RBFOX1: variants seen among roughly 807,000 people sequenced by gnomAD.
The protein encoded by RBFOX1 is RNA binding protein fox-1 homolog 1.
Under a neutral mutation model 57.7 loss-of-function variants are expected in RBFOX1, and 8 were observed. The ratio of observed to expected loss-of-function variants is 0.14; its 90% CI spans 0.08 to 0.25. The LOEUF (loss-of-function observed/expected upper bound fraction) is 0.25. RBFOX1 is among the 10% of genes least tolerant of loss of function. The probability of loss-of-function intolerance (pLI) is 1.00; values close to 1 mark genes in which losing one functional copy is unlikely to be tolerated. For synonymous variants in RBFOX1, 326 were observed against 222.4 expected (o/e 1.47, Z -4.15); for missense variants, 611 against 548.5 (o/e 1.11, Z -1.14).
At chr16:5,964,596 T>C (rs72770963) in intron 4 of RBFOX1, among the ~76,000 whole-genome samples, 33,294 of 151,844 alleles carry the variant, frequency 0.22, 4,317 homozygotes, top group Middle Eastern at 0.47. Context: ...TATGCATCTA[T>C]ATCTATGTAT....
chr16:7,499,914 T>A (rs2070116347), intron 4 of RBFOX1, among the ~76,000 whole-genome samples: 1 of 152,152 alleles, frequency 6.6e-6, no homozygotes, highest in Non-Finnish European at 1.5e-5. Context: ...AAAACATTGT[T>A]CACTGCTGTG....
At chr16:7,157,566 C>A (rs1385557823) in intron 4 of RBFOX1, among the ~76,000 whole-genome samples, 1 of 152,048 alleles carries the variant, frequency 6.6e-6, no homozygotes, top group Non-Finnish European at 1.5e-5. Context: ...AGCTTAAGTC[C>A]AGGCACGTGA....
intron 10 of RBFOX1, among the ~76,000 whole-genome samples, chr16:7,617,274 A>G (rs73490615): frequency 1.5e-3 from 234 of 152,342 alleles, no homozygotes; most frequent in African/African-American, 5.0e-3. Flanking sequence ...AAAAGTAGCC[A>G]TAGACAATGT....
intron 3 of RBFOX1, among the ~76,000 whole-genome samples, chr16:6,931,236 GGTT>G (rs1422419713): frequency 4.0e-5 from 6 of 151,348 alleles, no homozygotes; most frequent in South Asian, 2.1e-4. Flanking sequence ...GGAATTAAGG[GGTT>G]GTTTGCTCTT....
chr16:5,712,661 G>T (rs2051536849), intron 3 of RBFOX1, among the ~76,000 whole-genome samples: 1 of 152,208 alleles, frequency 6.6e-6, no homozygotes, highest in Admixed American at 6.5e-5. Flanking sequence ...CAGAGAAGTT[G>T]CCTGTGGTCA....
At chr16:6,970,885 G>A (rs1031243399) in intron 3 of RBFOX1, among the ~76,000 whole-genome samples, 12 of 152,196 alleles carry the variant, frequency 7.9e-5, no homozygotes, top group Non-Finnish European at 1.5e-4. Flanking sequence ...GACAACTGCA[G>A]TAAGGCTCAA....
chr16:6,901,914 G>A (rs554801236), intron 3 of RBFOX1, among the ~76,000 whole-genome samples: 1 of 152,138 alleles, frequency 6.6e-6, no homozygotes. Flanking sequence ...TTGCCATCTG[G>A]CTTTTAAGCA....
intron 4 of RBFOX1, among the ~76,000 whole-genome samples, chr16:7,474,474 A>T (rs949921679): frequency 6.6e-5 from 10 of 152,194 alleles, no homozygotes; most frequent in African/African-American, 2.4e-4. Context: ...GGTGAATTTA[A>T]TGAGACTTGG....
chr16:7,486,196 C>T (rs1461918285), intron 4 of RBFOX1, among the ~76,000 whole-genome samples: 4 of 139,964 alleles, frequency 2.9e-5, no homozygotes, highest in Admixed American at 7.8e-5. Context: ...GATCTCAGCT[C>T]GCTGCAACCT....
chr16:6,923,713 C>T (rs1221777382), intron 3 of RBFOX1, among the ~76,000 whole-genome samples: 1 of 152,006 alleles, frequency 6.6e-6, no homozygotes. Context: ...GCCTTTAAAG[C>T]AGTAGAAGGC....
intron 2 of RBFOX1, among the ~76,000 whole-genome samples, chr16:5,484,446 G>C (rs952464707): frequency 2.0e-5 from 3 of 152,174 alleles, no homozygotes; most frequent in Non-Finnish European, 4.4e-5. Flanking sequence ...CCTAATCTTG[G>C]AAGTGACACC....
At chr16:5,559,530 C>G (rs1268467970) in intron 2 of RBFOX1, among the ~76,000 whole-genome samples, 1 of 152,176 alleles carries the variant, frequency 6.6e-6, no homozygotes, top group Non-Finnish European at 1.5e-5. Context: ...CAGGATCGGG[C>G]CTTGGCCACA....
At chr16:6,324,457 GA>G (rs1207891798) in intron 2 of RBFOX1, among the ~76,000 whole-genome samples, 10 of 152,264 alleles carry the variant, frequency 6.6e-5, no homozygotes, top group African/African-American at 2.4e-4. Context: ...GAGGCCTCAG[GA>G]AACTTACAGT....
intron 3 of RBFOX1, among the ~76,000 whole-genome samples, chr16:5,765,089 C>A (rs1365435522): frequency 6.6e-6 from 1 of 152,122 alleles, no homozygotes; most frequent in African/African-American, 2.4e-5. Context: ...CACAGGCAAG[C>A]ATGTTTGCAT....
chr16:5,741,644 A>G (rs557719365), intron 3 of RBFOX1, among the ~76,000 whole-genome samples: 1 of 152,356 alleles, frequency 6.6e-6, no homozygotes, highest in East Asian at 1.9e-4. Context: ...ATTGCGACAC[A>G]TATATCACCA....
chr16:6,860,584 A>G (rs901423696), intron 3 of RBFOX1, among the ~76,000 whole-genome samples: 2 of 152,242 alleles, frequency 1.3e-5, no homozygotes, highest in African/African-American at 4.8e-5. Flanking sequence ...GGAGACACAT[A>G]GAAGATTCAT....
intron 3 of RBFOX1, among the ~76,000 whole-genome samples, chr16:5,721,126 A>C (rs1480695884): frequency 6.6e-6 from 1 of 152,212 alleles, no homozygotes; most frequent in East Asian, 1.9e-4. Flanking sequence ...AGTTTTCAGC[A>C]TGGAAATTTT....
chr16:6,682,568 A>G (rs540814516), intron 3 of RBFOX1, among the ~76,000 whole-genome samples: 1 of 152,086 alleles, frequency 6.6e-6, no homozygotes, highest in East Asian at 1.9e-4. Context: ...TGCTGCGGAG[A>G]GTGTCCTGTG....
intron 3 of RBFOX1, among the ~76,000 whole-genome samples, chr16:6,937,976 T>A (rs1203730432): frequency 1.3e-5 from 1 of 78,648 alleles, no homozygotes; most frequent in African/African-American, 5.3e-5. Context: ...TCCATTTAGA[T>A]GGGTGGGGGT....
Sources: allele counts gnomAD v4.1 joint callset (sites outside exome capture counted in the v4.1 genomes callset), GRCh38; gene constraint gnomAD v4.1.1; transcripts MANE v1.5; gene names NCBI Gene and HGNC (gene_info 2026-07-23, HGNC 2026-07-21).